The following GSDMC variants were observed in gnomAD, a reference collection of about 807,000 sequenced individuals.
GSDMC encodes the protein gasdermin-C.
A neutral mutation model predicts 58.0 loss-of-function variants in GSDMC; 59 were observed. The observed-to-expected ratio is 1.02, with a 90% CI of 0.82 to 1.26. The LOEUF (loss-of-function observed/expected upper bound fraction) is 1.26. Ranked by LOEUF, GSDMC falls within the 50% of genes most tolerant of loss-of-function variation. GSDMC has a pLI of 0.00. For synonymous variants in GSDMC, 241 were observed against 220.2 expected, an observed-to-expected ratio of 1.09 and a Z score of -0.83; for missense variants, 659 against 598.5, an observed-to-expected ratio of 1.10 and a Z score of -1.06.
chr8:129,770,817 T>C (rs1332045241), intron 3 of GSDMC, among the ~76,000 whole-genome samples: 1 of 151,806 alleles, frequency 6.6e-6, no homozygotes, highest in Admixed American at 6.6e-5. Flanking sequence ...CAGATTAAAT[T>C]TTCCAAACTA....
chr8:129,780,977 A>G (rs2034389571), intron 1 of GSDMC, among the ~76,000 whole-genome samples: 1 of 152,180 alleles, frequency 6.6e-6, no homozygotes, highest in Non-Finnish European at 1.5e-5. Context: ...ATTTAAAATA[A>G]TGAGTTTTAA....
At chr8:129,740,820 C>T in the GSDMC span, among the ~76,000 whole-genome samples, 1 of 152,124 alleles carries the variant, frequency 6.6e-6, no homozygotes, top group Non-Finnish European at 1.5e-5. Context: ...TAATTTCTTC[C>T]TTTACTGCAC....
intron 4 of GSDMC, among the ~76,000 whole-genome samples, chr8:129,764,286 G>A (rs2033780605): frequency 6.6e-6 from 1 of 152,126 alleles, no homozygotes; most frequent in Admixed American, 6.5e-5. Context: ...ACCAGGCAGG[G>A]ATTAAACTAT....
chr8:129,750,600 AG>A, intron 10 of GSDMC, 30 bp from the exon 11 acceptor site: 2 of 1,607,334 alleles, frequency 1.2e-6, no homozygotes. Flanking sequence ...CCGACCAGAA[AG>A]TGGGGACAAG....
chr8:129,766,476 C>A (rs1332590713), intron 3 of GSDMC, among the ~76,000 whole-genome samples: 1 of 152,182 alleles, frequency 6.6e-6, no homozygotes, highest in Non-Finnish European at 1.5e-5. Context: ...TTGAGGGATT[C>A]TTAATTGGCT....
At chr8:129,723,665 G>A in the GSDMC span, among the ~76,000 whole-genome samples, 1 of 152,092 alleles carries the variant, frequency 6.6e-6, no homozygotes, top group African/African-American at 2.4e-5. Context: ...CAAAGCCCTG[G>A]TTCCTAGGCA....
chr8:129,724,666 G>A, the GSDMC span, among the ~76,000 whole-genome samples: 1 of 151,806 alleles, frequency 6.6e-6, no homozygotes, highest in Non-Finnish European at 1.5e-5. Context: ...CACAGAAACA[G>A]AAGTAGAATT....
chr8:129,743,389 C>T (rs577073195), downstream of GSDMC, among the ~76,000 whole-genome samples: 14 of 152,216 alleles, frequency 9.2e-5, no homozygotes, highest in African/African-American at 3.4e-4. Context: ...TTTTATTTCA[C>T]ACATGATATT....
At chr8:129,724,451 A>T in the GSDMC span, among the ~76,000 whole-genome samples, 1 of 151,868 alleles carries the variant, frequency 6.6e-6, no homozygotes, top group Non-Finnish European at 1.5e-5. Flanking sequence ...TACAATAACA[A>T]TTTGTTTGCA....
chr8:129,754,122 T>A (rs1238670337), intron 6 of GSDMC, among the ~76,000 whole-genome samples: 1 of 152,226 alleles, frequency 6.6e-6, no homozygotes, highest in East Asian at 1.9e-4. Context: ...TGTCACCTGC[T>A]GATTGTAGAG....
the GSDMC span, among the ~76,000 whole-genome samples, chr8:129,714,598 C>T: frequency 6.6e-6 from 1 of 151,946 alleles, no homozygotes; most frequent in African/African-American, 2.4e-5. Flanking sequence ...TTCATTTTGT[C>T]CAAATTTCTT....
At chr8:129,767,725 C>A (rs1221892076) in intron 3 of GSDMC, among the ~76,000 whole-genome samples, 2 of 151,902 alleles carry the variant, frequency 1.3e-5, no homozygotes, top group Non-Finnish European at 2.9e-5. Flanking sequence ...GCCTGCCCAA[C>A]TACAAAGCAC....
intron 6 of GSDMC, among the ~76,000 whole-genome samples, chr8:129,758,094 C>T (rs1169632083): frequency 6.6e-6 from 1 of 152,140 alleles, no homozygotes; most frequent in Non-Finnish European, 1.5e-5. Context: ...TACATTATAT[C>T]AACAGAATGA....
chr8:129,731,462 A>G, the GSDMC span, among the ~76,000 whole-genome samples: 12 of 152,356 alleles, frequency 7.9e-5, no homozygotes, highest in East Asian at 5.8e-4. Context: ...GTGTTTGTCA[A>G]GGTTCTCCAG....
intron 3 of GSDMC, among the ~76,000 whole-genome samples, chr8:129,773,225 T>C (rs1210755264): frequency 6.6e-6 from 1 of 152,136 alleles, no homozygotes; most frequent in African/African-American, 2.4e-5. Flanking sequence ...AACAAGAATG[T>C]CCACCCTCAC....
chr8:129,710,238 T>C, the GSDMC span, among the ~76,000 whole-genome samples: 2 of 152,224 alleles, frequency 1.3e-5, no homozygotes, highest in African/African-American at 4.8e-5. Flanking sequence ...ACAGTGCTTG[T>C]ATACAACACT....
At chr8:129,765,577 G>A (rs1309733898) in intron 4 of GSDMC, 51 bp downstream of exon 4, 4 of 1,352,612 alleles carry the variant, frequency 3.0e-6, no homozygotes, top group Non-Finnish European at 4.2e-6. Context: ...TGGCTGCCAG[G>A]ACTGGCTGTA....
the GSDMC span, among the ~76,000 whole-genome samples, chr8:129,708,219 C>T: frequency 2.0e-5 from 3 of 152,224 alleles, no homozygotes; most frequent in Admixed American, 6.5e-5. Flanking sequence ...ATAAAGCCGG[C>T]TCTGCTTAGA....
chr8:129,758,870 A>G (rs2033545560), intron 6 of GSDMC, among the ~76,000 whole-genome samples: 1 of 152,150 alleles, frequency 6.6e-6, no homozygotes, highest in Non-Finnish European at 1.5e-5. Flanking sequence ...AAATTCTAAA[A>G]TTCATATGGA....
Sources: allele counts gnomAD v4.1 joint callset (sites outside exome capture counted in the v4.1 genomes callset), GRCh38; gene constraint gnomAD v4.1.1; transcripts MANE v1.5; gene names NCBI Gene and HGNC (gene_info 2026-07-23, HGNC 2026-07-21).